Variants in HTR2C observed in about 807,000 individuals in gnomAD.
HTR2C encodes the protein 5-hydroxytryptamine receptor 2C, also known as 5-hydroxytryptamine (serotonin) receptor 2C, G protein-coupled.
A neutral mutation model predicts 21.0 loss-of-function variants in HTR2C; 5 were observed. That is an observed-to-expected ratio of 0.24 (90% CI 0.12 to 0.50). The LOEUF (loss-of-function observed/expected upper bound fraction) is 0.50. Among genes scored for constraint, HTR2C ranks in the 20% least tolerant of loss-of-function variants. The pLI, the probability that HTR2C is intolerant of heterozygous loss-of-function variation, is 0.98. For synonymous variants in HTR2C, 150 were observed against 145.3 expected, an observed-to-expected ratio of 1.03 and a Z score of -0.23; for missense variants, 271 against 371.2, an observed-to-expected ratio of 0.73 and a Z score of 2.22.
intron 5 of HTR2C, among the ~76,000 whole-genome samples, chrX:114,865,536 A>G (rs782478672): frequency 1.8e-5 from 2 of 111,460 alleles, no homozygotes; most frequent in African/African-American, 3.2e-5. Flanking sequence ...AACCTCCCCA[A>G]TTCTTGGTAT....
intron 4 of HTR2C, among the ~76,000 whole-genome samples, chrX:114,783,541 T>A (rs1264875670): frequency 1.8e-5 from 2 of 111,341 alleles, no homozygotes; most frequent in African/African-American, 6.5e-5. Context: ...TAGAACAAGC[T>A]GGAAAAAAAA....
At chrX:114,714,024 A>T (rs1370201102) in intron 2 of HTR2C, among the ~76,000 whole-genome samples, 2 of 111,901 alleles carry the variant, frequency 1.8e-5, no homozygotes, top group African/African-American at 6.5e-5. Context: ...TAGAAAATTT[A>T]AAAAGTGAAA....
At position 114,612,775 on chromosome X, in the gene HTR2C, G is replaced by A. The variant is rs1047470687; in HGVS notation, c.-146-1040G>A. Among the ~76,000 whole-genome samples, 5 of 110,963 alleles carry A rather than the reference G, an allele frequency of 4.5e-5. No individual in the cohort carries two copies. The East Asian group carries it at 1.1e-3, about 25-fold the overall frequency. On this transcript the variant is annotated intron_variant, in intron 1 of 5. Transcript: ENST00000276198. ...CTTACCTGCTATAGGAATGGGGTCC[G>A]GATCCAGACCCCAAGAGAGGGTTCT...
intron 2 of HTR2C, among the ~76,000 whole-genome samples, chrX:114,689,208 G>GTATATATATATA (rs58916694): frequency 0.1 from 7,409 of 72,336 alleles, 502 homozygotes; most frequent in Non-Finnish European, 0.12. Flanking sequence ...GTATGTATGC[G>GTATATATATATA]TATATATATA....
chrX:114,824,754 C>A (rs1388767393), intron 4 of HTR2C, among the ~76,000 whole-genome samples: 2 of 112,078 alleles, frequency 1.8e-5, no homozygotes, highest in Non-Finnish European at 3.8e-5. Flanking sequence ...CAATCTTAGG[C>A]TGAAAAACAG....
intron 4 of HTR2C, among the ~76,000 whole-genome samples, chrX:114,819,499 GAC>G (rs1263510294): frequency 8.9e-6 from 1 of 112,462 alleles, no homozygotes; most frequent in Non-Finnish European, 1.9e-5. Context: ...AAGGGGTTGT[GAC>G]ACATGCATAT....
chrX:114,635,179 G>A (rs1218206099), intron 2 of HTR2C, among the ~76,000 whole-genome samples: 1 of 111,888 alleles, frequency 8.9e-6, no homozygotes, highest in Admixed American at 9.5e-5. Context: ...ATAAACAAAT[G>A]TCCCTTACCT....
intron 5 of HTR2C, among the ~76,000 whole-genome samples, chrX:114,862,427 C>T (rs2071013496): frequency 1.8e-5 from 2 of 110,481 alleles, no homozygotes; most frequent in Admixed American, 9.7e-5. Context: ...ATGCCTCCAA[C>T]TTCATTTGTT....
intron 4 of HTR2C, among the ~76,000 whole-genome samples, chrX:114,847,595 A>T (rs182468456): frequency 0.24 from 3,630 of 15,066 alleles, 161 homozygotes; most frequent in African/African-American, 0.32. Flanking sequence ...AATAATAATT[A>T]AAAAAAAAAG....
chrX:114,586,749 G>A (rs1028568446), intron 1 of HTR2C, among the ~76,000 whole-genome samples: 2 of 110,620 alleles, frequency 1.8e-5, no homozygotes, highest in South Asian at 7.8e-4. Flanking sequence ...TGATATTTCT[G>A]GGAACCTCCT....
intron 5 of HTR2C, among the ~76,000 whole-genome samples, chrX:114,874,344 T>G (rs2071115626): frequency 9.0e-6 from 1 of 111,699 alleles, no homozygotes; most frequent in South Asian, 3.7e-4. Context: ...GTTTTTAAGT[T>G]TTGAGGAACC....
intron 5 of HTR2C, among the ~76,000 whole-genome samples, chrX:114,857,990 G>A (rs924197140): frequency 9.0e-6 from 1 of 110,995 alleles, no homozygotes; most frequent in Non-Finnish European, 1.9e-5. Flanking sequence ...TTACAATGGC[G>A]TCATTCTCAT....
chrX:114,814,759 T>TA (rs2070565645), intron 4 of HTR2C, among the ~76,000 whole-genome samples: 1 of 102,314 alleles, frequency 9.8e-6, no homozygotes, highest in Non-Finnish European at 2.0e-5. Flanking sequence ...ATAGTATATA[T>TA]ATTATAGTAT....
At chrX:114,806,630 CATATATACACTATATATACCAT>C (rs1569495933) in intron 4 of HTR2C, among the ~76,000 whole-genome samples, 12 of 90,357 alleles carry the variant, frequency 1.3e-4, no homozygotes, top group African/African-American at 1.8e-4. Context: ...ATATATATAC[CATATATACACTATATATACCAT>C]ATATATACAC....
chrX:114,649,142 TA>T (rs1481252128), intron 2 of HTR2C, among the ~76,000 whole-genome samples: 1 of 112,037 alleles, frequency 8.9e-6, no homozygotes, highest in Non-Finnish European at 1.9e-5. Flanking sequence ...ATTTTCCACA[TA>T]TGATCATGAC....
At chrX:114,652,743 C>T (rs782426256) in intron 2 of HTR2C, 2 of 358,357 alleles carry the variant, frequency 5.6e-6, no homozygotes, top group African/African-American at 5.8e-5. Flanking sequence ...ATCCTACGAC[C>T]CAGACAGACC....
intron 4 of HTR2C, among the ~76,000 whole-genome samples, chrX:114,836,029 G>T (rs377533709): frequency 5.6e-5 from 6 of 107,971 alleles, no homozygotes; most frequent in African/African-American, 2.0e-4. Context: ...GGGGTCAGGG[G>T]TCAGGGACCC....
intron 4 of HTR2C, among the ~76,000 whole-genome samples, chrX:114,769,738 C>T (rs1421924040): frequency 1.8e-5 from 2 of 111,217 alleles, no homozygotes; most frequent in Non-Finnish European, 3.8e-5. Context: ...ATGCAAATTA[C>T]ATTTTTATAC....
chrX:114,768,918 T>A (rs1489049068), intron 4 of HTR2C, among the ~76,000 whole-genome samples: 1 of 111,271 alleles, frequency 9.0e-6, no homozygotes, highest in African/African-American at 3.2e-5. Flanking sequence ...GCTGTCCAAT[T>A]TACACTTTGA....
Sources: allele counts gnomAD v4.1 joint callset (sites outside exome capture counted in the v4.1 genomes callset), GRCh38; gene constraint gnomAD v4.1.1; transcripts MANE v1.5; gene names NCBI Gene and HGNC (gene_info 2026-07-23, HGNC 2026-07-21).